GXYLT2: variants seen among roughly 807,000 people sequenced by gnomAD.
The protein encoded by GXYLT2 is glycosyltransferase 8 domain containing 4.
GXYLT2 carries 53 observed loss-of-function variants against 45.8 expected under a neutral mutation model. The ratio of observed to expected loss-of-function variants is 1.16; its 90% CI spans 0.93 to 1.46. The LOEUF (loss-of-function observed/expected upper bound fraction) is 1.46. Among genes scored for constraint, GXYLT2 ranks in the 40% most tolerant of loss-of-function variants. GXYLT2 has a pLI of 0.00. For missense variants in GXYLT2, 551 were observed against 544.4 expected (o/e 1.01, Z -0.12); for synonymous variants, 219 against 214.2 (o/e 1.02, Z -0.19).
intron 1 of GXYLT2, among the ~76,000 whole-genome samples, chr3:72,901,098 G>C (rs1290812063): frequency 6.6e-6 from 1 of 152,110 alleles, no homozygotes; most frequent in African/African-American, 2.4e-5. Flanking sequence ...AGACCAGCCT[G>C]ATCAATATGA....
chr3:72,899,494 G>C (rs550513673), intron 1 of GXYLT2, among the ~76,000 whole-genome samples: 1 of 152,292 alleles, frequency 6.6e-6, no homozygotes, highest in African/African-American at 2.4e-5. Context: ...CATTAAAAGT[G>C]ATTTAACTGT....
Position 72,975,337 on chromosome 3 carries a change from T to C in GXYLT2, c.*178T>C, listed in dbSNP as rs1230950814. The C allele has an allele frequency of 2.5e-6, 1 of 406,252 alleles. No individual in the cohort carries two copies. The highest frequency in any genetic ancestry group is 4.5e-5 in the Admixed American group (1 of 22,076). 25.2% of individuals were successfully genotyped at this position (406,252 alleles called of 1,614,324 possible). A position where few individuals can be genotyped will look rare whatever the true frequency, so the allele number is the denominator to read the frequency against. On this transcript the variant is annotated 3_prime_UTR_variant, in exon 7 of 7. Transcript: ENST00000389617. ...CCAAAAGGGAATATGCTTTTCCTTA[T>C]TTTTTTTTCTAAAATGCTATTTATC... is the stretch of plus-strand genomic sequence containing the variant.
chr3:72,952,352 T>C (rs375571006), intron 3 of GXYLT2, among the ~76,000 whole-genome samples: 1 of 152,212 alleles, frequency 6.6e-6, no homozygotes, highest in Non-Finnish European at 1.5e-5. Context: ...TCAGTATTTT[T>C]AATTTCATTT....
intron 5 of GXYLT2, among the ~76,000 whole-genome samples, chr3:72,966,586 G>A (rs1710871344): frequency 1.4e-5 from 2 of 147,864 alleles, no homozygotes; most frequent in South Asian, 2.2e-4. Context: ...AGCTTCAAGT[G>A]TGCCACCATG....
At chr3:72,915,450 T>G (rs1484724483) in intron 2 of GXYLT2, among the ~76,000 whole-genome samples, 2 of 151,168 alleles carry the variant, frequency 1.3e-5, no homozygotes, top group Non-Finnish European at 3.0e-5. Context: ...GAATTAGATT[T>G]TTTCCGTGTT....
At chr3:72,959,257 A>G (rs907991648) in intron 5 of GXYLT2, among the ~76,000 whole-genome samples, 8 of 151,376 alleles carry the variant, frequency 5.3e-5, no homozygotes, top group East Asian at 2.0e-4. Flanking sequence ...AGCTGGGATT[A>G]CAGGCACCCA....
chr3:72,929,725 A>G (rs1409712620), intron 3 of GXYLT2: 1 of 582,122 alleles, frequency 1.7e-6, no homozygotes, highest in African/African-American at 1.9e-5. Context: ...GAAAATATTC[A>G]CTTAATGCAA....
Position 72,975,389 on chromosome 3 carries a change from A to T in GXYLT2, c.*230A>T. On this transcript the variant is annotated 3_prime_UTR_variant, in exon 7 of 7. Transcript: ENST00000389617. Reference sequence around the variant, plus strand: ...CTAAGGAAAAAAAAAAAAGACTATTACTCATTTAACATTGTTTAAGCAGGT... The same window carrying T: ...CTAAGGAAAAAAAAAAAAGACTATTTCTCATTTAACATTGTTTAAGCAGGT... 2.7e-6 allele frequency: 1 copy of T among 375,054 alleles called. No individual in the cohort carries two copies. Among genetic ancestry groups the T allele is most frequent in the South Asian group, 8.1e-5 (1 of 12,324 alleles). 23.2% of individuals were successfully genotyped at this position (375,054 alleles called of 1,614,324 possible).
chr3:72,913,796 A>C (rs1393725527), intron 2 of GXYLT2, among the ~76,000 whole-genome samples: 1 of 152,232 alleles, frequency 6.6e-6, no homozygotes, highest in Non-Finnish European at 1.5e-5. Flanking sequence ...GTTTAGCTGC[A>C]TACTGCCTTT....
At chr3:72,943,448 C>T (rs1302538438) in intron 3 of GXYLT2, among the ~76,000 whole-genome samples, 1 of 151,004 alleles carries the variant, frequency 6.6e-6, no homozygotes, top group Non-Finnish European at 1.5e-5. Flanking sequence ...ATGAACATGC[C>T]TCACTCTAGA....
At chr3:72,919,063 G>A (rs1191837110) in intron 2 of GXYLT2, among the ~76,000 whole-genome samples, 1 of 152,186 alleles carries the variant, frequency 6.6e-6, no homozygotes, top group Non-Finnish European at 1.5e-5. Flanking sequence ...CACTTTGGAA[G>A]ACGGTTTGGC....
chr3:72,948,031 T>A (rs1373114478), intron 3 of GXYLT2, among the ~76,000 whole-genome samples: 1 of 152,186 alleles, frequency 6.6e-6, no homozygotes, highest in Non-Finnish European at 1.5e-5. Flanking sequence ...GAGAAAAAGA[T>A]AAATTCACAG....
chr3:72,903,898 T>C (rs192711887), intron 1 of GXYLT2, among the ~76,000 whole-genome samples: 27 of 152,310 alleles, frequency 1.8e-4, no homozygotes, highest in Admixed American at 1.8e-3. Context: ...AAAGGGAGTT[T>C]ATTGGCTTAA....
chr3:72,946,251 T>G (rs1710402599), intron 3 of GXYLT2, among the ~76,000 whole-genome samples: 1 of 118,592 alleles, frequency 8.4e-6, no homozygotes, highest in Admixed American at 1.1e-4. Flanking sequence ...CACTCCAGCC[T>G]GGGTGACAGA....
At chr3:72,959,643 T>C (rs183179297) in intron 5 of GXYLT2, among the ~76,000 whole-genome samples, 10 of 152,116 alleles carry the variant, frequency 6.6e-5, no homozygotes, top group Admixed American at 6.5e-4. Context: ...TTTCATCTTT[T>C]TTTTTTCTTG....
intron 3 of GXYLT2, among the ~76,000 whole-genome samples, chr3:72,952,195 G>T (rs1215581560): frequency 1.3e-5 from 2 of 151,666 alleles, no homozygotes; most frequent in East Asian, 3.9e-4. Flanking sequence ...TAGAGACAGG[G>T]TTTCAGCATA....
chr3:72,963,507 G>GA (rs1710805940), intron 5 of GXYLT2, among the ~76,000 whole-genome samples: 1 of 143,700 alleles, frequency 7.0e-6, no homozygotes, highest in Non-Finnish European at 1.5e-5. Flanking sequence ...GGAGTTTTTT[G>GA]TTTTTTTTTT....
intron 3 of GXYLT2, among the ~76,000 whole-genome samples, chr3:72,949,073 G>A (rs988309544): frequency 5.3e-5 from 8 of 152,092 alleles, no homozygotes; most frequent in East Asian, 1.9e-4. Context: ...ATGGGTAGGC[G>A]AGGAAGCAAG....
chr3:72,920,738 C>T (rs1032257060), intron 2 of GXYLT2, among the ~76,000 whole-genome samples: 4 of 151,442 alleles, frequency 2.6e-5, no homozygotes, highest in Non-Finnish European at 5.9e-5. Context: ...TATAGAGTGC[C>T]CACTTTTAAT....
Sources: gnomAD v4.1 joint callset for allele counts (sites outside exome capture counted in the v4.1 genomes callset) on GRCh38, gnomAD v4.1.1 for gene constraint, MANE v1.5 for transcripts, NCBI Gene and HGNC (gene_info 2026-07-23, HGNC 2026-07-21) for gene names.